Variants in DLG2 observed in about 807,000 individuals in gnomAD.
DLG2 encodes the protein disks large homolog 2.
Under a neutral mutation model 132.5 loss-of-function variants are expected in DLG2, and 45 were observed. The observed-to-expected ratio is 0.34, with a 90% CI of 0.27 to 0.44. The LOEUF is 0.44. Among genes scored for constraint, DLG2 ranks in the 20% least tolerant of loss-of-function variants. The probability of loss-of-function intolerance (pLI) is 1.00; values close to 1 mark genes in which losing one functional copy is unlikely to be tolerated. For synonymous variants in DLG2, 424 were observed against 419.6 expected, an observed-to-expected ratio of 1.01 and a Z score of -0.13; for missense variants, 1,045 against 1,196.9, an observed-to-expected ratio of 0.87 and a Z score of 1.87.
chr11:85,458,797 G>A (rs1488671756), intron 3 of DLG2, among the ~76,000 whole-genome samples: 1 of 152,140 alleles, frequency 6.6e-6, no homozygotes, highest in Non-Finnish European at 1.5e-5. Flanking sequence ...ATTTCCTCAT[G>A]ATTGCAGCCA....
intron 6 of DLG2, among the ~76,000 whole-genome samples, chr11:84,895,643 T>C (rs1402527090): frequency 6.6e-6 from 1 of 152,132 alleles, no homozygotes; most frequent in Non-Finnish European, 1.5e-5. Context: ...GTTTTTTAGT[T>C]TTATTAGTTT....
intron 6 of DLG2, among the ~76,000 whole-genome samples, chr11:84,632,270 T>G (rs74998645): frequency 2.0e-5 from 3 of 151,888 alleles, no homozygotes; most frequent in African/African-American, 4.8e-5. Flanking sequence ...TTTTTTTTTT[T>G]CCAAGACAGA....
chr11:84,451,663 TGG>T (rs2099051978), intron 7 of DLG2, among the ~76,000 whole-genome samples: 2 of 151,718 alleles, frequency 1.3e-5, no homozygotes, highest in Admixed American at 1.3e-4. Flanking sequence ...TTATAAGCAA[TGG>T]GGTCGTAACA....
intron 6 of DLG2, among the ~76,000 whole-genome samples, chr11:84,719,260 G>T (rs933523959): frequency 2.0e-5 from 3 of 152,128 alleles, no homozygotes; most frequent in African/African-American, 7.2e-5. Flanking sequence ...CCAATCTCTG[G>T]TGTTATCTTT....
At position 85,230,012 on chromosome 11, in the gene DLG2, G is replaced by A. The variant is rs181167400; in HGVS notation, c.186+55208C>T. ...GGAGCTAGAGGAGGGATAGCATTAG[G>A]AGAAATACCTAATGTAGATGATGGG... On this transcript the variant is annotated intron_variant, in intron 4 of 27. Transcript: ENST00000376104. 5.0e-4 allele frequency among the ~76,000 whole-genome samples: 76 copies of A among 152,150 alleles called. No homozygotes were observed. In the South Asian group the frequency reaches 0.01, roughly 20 times the overall value.
chr11:84,892,681 G>A (rs111508517), intron 6 of DLG2, among the ~76,000 whole-genome samples: 20 of 152,112 alleles, frequency 1.3e-4, no homozygotes, highest in African/African-American at 4.8e-4. Context: ...AATTAAGGGT[G>A]CTGTTGGCCC....
chr11:83,578,056 G>C (rs920020476), intron 19 of DLG2, among the ~76,000 whole-genome samples: 2 of 111,178 alleles, frequency 1.8e-5, no homozygotes, highest in African/African-American at 7.3e-5. Context: ...GTGTGTGTGT[G>C]TATACATATA....
chr11:83,825,082 C>G (rs917533849), intron 17 of DLG2, among the ~76,000 whole-genome samples: 3 of 144,782 alleles, frequency 2.1e-5, no homozygotes, highest in African/African-American at 5.1e-5. Context: ...CATATATATA[C>G]ACACATATAT....
intron 16 of DLG2, among the ~76,000 whole-genome samples, chr11:83,839,135 G>T (rs1048500389): frequency 6.6e-6 from 1 of 152,084 alleles, no homozygotes; most frequent in Non-Finnish European, 1.5e-5. Context: ...TATAATGTTT[G>T]CATGACAGTA....
intron 3 of DLG2, among the ~76,000 whole-genome samples, chr11:85,540,761 C>A (rs566797555): frequency 6.6e-6 from 1 of 152,228 alleles, no homozygotes; most frequent in African/African-American, 2.4e-5. Flanking sequence ...AAACACTCAA[C>A]CTTAGACGCT....
intron 11 of DLG2, among the ~76,000 whole-genome samples, chr11:84,000,190 A>G (rs1169470332): frequency 2.0e-5 from 3 of 152,138 alleles, no homozygotes; most frequent in East Asian, 1.9e-4. Flanking sequence ...AAAGAACCAA[A>G]CAGAAATTCT....
At chr11:84,339,741 A>C (rs2098505384) in intron 7 of DLG2, among the ~76,000 whole-genome samples, 2 of 152,236 alleles carry the variant, frequency 1.3e-5, no homozygotes, top group Admixed American at 1.3e-4. Flanking sequence ...AGCCCTCATT[A>C]AAATAATCCC....
chr11:85,091,972 C>T (rs1391128499), intron 6 of DLG2, among the ~76,000 whole-genome samples: 1 of 152,134 alleles, frequency 6.6e-6, no homozygotes, highest in Non-Finnish European at 1.5e-5. Context: ...TGAATCTTTA[C>T]TAGAATGTTT....
intron 18 of DLG2, among the ~76,000 whole-genome samples, chr11:83,640,023 A>T (rs2153477965): frequency 6.6e-6 from 1 of 152,282 alleles, no homozygotes; most frequent in South Asian, 2.1e-4. Context: ...ACAAAGACAT[A>T]TGCAGTTCTT....
At chr11:84,955,854 T>C (rs2051590591) in intron 6 of DLG2, 1 of 152,248 alleles carries the variant, frequency 6.6e-6, no homozygotes, top group Non-Finnish European at 1.5e-5. Context: ...GGGTACATTA[T>C]ATCCATTAAT....
rs560814829 is a variant in DLG2, at chr11:85,141,329, T to TC, written c.282+13226_282+13227insG. Among the ~76,000 whole-genome samples the TC allele has an allele frequency of 3.5e-3, 537 of 151,904 alleles. 4 individuals carry two copies. The highest frequency in any genetic ancestry group is 0.012 in the African/African-American group (509 of 41,532). On this transcript the variant is annotated intron_variant, in intron 5 of 27. Transcript: ENST00000376104. The stretch of plus-strand genomic sequence containing the variant: ...TTTCTTGATGATTAATAATGTTGAG[T>TC]ATTTTTCATATATCTATTGGCTATT...
chr11:84,402,213 AAG>A (rs1295690062), intron 7 of DLG2, among the ~76,000 whole-genome samples: 1 of 152,196 alleles, frequency 6.6e-6, no homozygotes, highest in Non-Finnish European at 1.5e-5. Context: ...CAGAATAACT[AAG>A]AGGCATTATG....
intron 7 of DLG2, among the ~76,000 whole-genome samples, chr11:84,287,325 G>T (rs1228118562): frequency 3.3e-5 from 5 of 152,006 alleles, no homozygotes; most frequent in Non-Finnish European, 7.4e-5. Flanking sequence ...GGTCGGGATG[G>T]TTATATCCAT....
intron 6 of DLG2, among the ~76,000 whole-genome samples, chr11:84,972,853 A>T (rs1243703168): frequency 6.6e-6 from 1 of 151,974 alleles, no homozygotes; most frequent in Non-Finnish European, 1.5e-5. Context: ...TTGAGACTGC[A>T]GACTTAGCAG....
Sources: gnomAD v4.1 joint callset for allele counts (sites outside exome capture counted in the v4.1 genomes callset) on GRCh38, gnomAD v4.1.1 for gene constraint, MANE v1.5 for transcripts, NCBI Gene and HGNC (gene_info 2026-07-23, HGNC 2026-07-21) for gene names.